The following RALGPS1 variants were observed in gnomAD, a reference collection of about 807,000 sequenced individuals.
RALGPS1 encodes the protein Ral GEF with PH domain and SH3 binding motif 1.
A neutral mutation model predicts 78.8 loss-of-function variants in RALGPS1; 19 were observed. The observed-to-expected ratio is 0.24, with a 90% confidence interval of 0.17 to 0.35. The LOEUF (loss-of-function observed/expected upper bound fraction) is 0.35. Among genes scored for constraint, RALGPS1 ranks in the 10% least tolerant of loss-of-function variants. The probability of loss-of-function intolerance (pLI) is 1.00; values close to 1 mark genes in which losing one functional copy is unlikely to be tolerated. For synonymous variants in RALGPS1, 228 were observed against 256.3 expected, an observed-to-expected ratio of 0.89 and a Z score of 1.06; for missense variants, 454 against 688.3, an observed-to-expected ratio of 0.66 and a Z score of 3.81.
At chr9:127,017,433 C>A (rs1488224802) in intron 4 of RALGPS1, among the ~76,000 whole-genome samples, 2 of 152,008 alleles carry the variant, frequency 1.3e-5, no homozygotes, top group Non-Finnish European at 2.9e-5. Flanking sequence ...AGGACACTTA[C>A]CATGGATGGA....
chr9:127,138,223 C>T (rs969801808), intron 8 of RALGPS1, among the ~76,000 whole-genome samples: 2 of 152,140 alleles, frequency 1.3e-5, no homozygotes, highest in Non-Finnish European at 2.9e-5. Flanking sequence ...AAAATGTTCT[C>T]GAATGTTAGA....
chr9:127,207,928 C>G lies in RALGPS1; in HGVS notation c.1248-4203C>G, dbSNP rs2130825193. Among the ~76,000 whole-genome samples the G allele has an allele frequency of 2.0e-5, 3 of 152,386 alleles. 1 individual carries two copies. The South Asian group carries it at 6.2e-4, about 32-fold the overall frequency. On this transcript the variant is annotated intron_variant, in intron 14 of 18. Coordinates refer to ENST00000259351, the MANE Select transcript of RALGPS1 (RefSeq NM_014636.3). ...CCCGGCACAGGCCCTCCACCCGCAC[C>G]AGAAAATGAGCCTCCCTTTGTGAAC...
chr9:127,007,358 CAG>C (rs2043931748), intron 4 of RALGPS1, among the ~76,000 whole-genome samples: 1 of 152,120 alleles, frequency 6.6e-6, no homozygotes, highest in Non-Finnish European at 1.5e-5. Flanking sequence ...CCTTAGGCAC[CAG>C]ACACACATAG....
intron 11 of RALGPS1, among the ~76,000 whole-genome samples, chr9:127,176,566 G>A (rs1267730745): frequency 1.3e-5 from 2 of 152,206 alleles, no homozygotes; most frequent in East Asian, 3.8e-4. Context: ...CTGTCCTTCC[G>A]AGTCCCCTCC....
At chr9:126,918,115 G>T (rs990960944) in intron 1 of RALGPS1, among the ~76,000 whole-genome samples, 1 of 152,154 alleles carries the variant, frequency 6.6e-6, no homozygotes, top group African/African-American at 2.4e-5. Flanking sequence ...TATGGTTTCT[G>T]TACCCTTAAC....
rs531308515 is a variant in RALGPS1 at position 127,121,813 on chromosome 9, C to T, written c.611-44256C>T. On this transcript the variant is annotated intron_variant, in intron 8 of 18. Transcript: ENST00000259351. ...GGGTGTGAGCAGAGGCAGCCCAGCTCCTGTAACTCTCCGAGCAGGGGCTCC... is the reference window on the plus strand; with the variant it reads ...GGGTGTGAGCAGAGGCAGCCCAGCTTCTGTAACTCTCCGAGCAGGGGCTCC... Among the ~76,000 whole-genome samples, 8 of 152,300 alleles carry T rather than the reference C, an allele frequency of 5.3e-5. No individual in the cohort carries two copies. The South Asian group carries it at 1.5e-3, about 28-fold the overall frequency.
At chr9:127,203,985 C>A (rs557961840) in intron 14 of RALGPS1, among the ~76,000 whole-genome samples, 4 of 152,126 alleles carry the variant, frequency 2.6e-5, no homozygotes, top group Non-Finnish European at 5.9e-5. Context: ...CTCCGTTGAC[C>A]TCCACAGTGA....
At chr9:127,106,633 C>CGCCT (rs2054242746) in intron 8 of RALGPS1, among the ~76,000 whole-genome samples, 1 of 152,182 alleles carries the variant, frequency 6.6e-6, no homozygotes, top group Admixed American at 6.5e-5. Flanking sequence ...TACTCCAAAG[C>CGCCT]GCCTGCTCTC....
At chr9:127,126,498 C>G (rs1424881692) in intron 8 of RALGPS1, among the ~76,000 whole-genome samples, 1 of 152,152 alleles carries the variant, frequency 6.6e-6, no homozygotes, top group Non-Finnish European at 1.5e-5. Context: ...TTCTAGAACC[C>G]CATTTACACA....
chr9:127,117,214 T>G (rs564270697), intron 8 of RALGPS1, among the ~76,000 whole-genome samples: 109 of 152,260 alleles, frequency 7.2e-4, no homozygotes, highest in African/African-American at 2.6e-3. Flanking sequence ...CTTCCCTCCC[T>G]CCTTCAGCTC....
chr9:127,194,738 C>G (rs1400822852), intron 11 of RALGPS1, among the ~76,000 whole-genome samples: 1 of 152,214 alleles, frequency 6.6e-6, no homozygotes, highest in Non-Finnish European at 1.5e-5. Context: ...GAAGTCTCAC[C>G]TCTGTCATTC....
intron 4 of RALGPS1, among the ~76,000 whole-genome samples, chr9:126,986,511 TG>T (rs1310989598): frequency 6.6e-6 from 1 of 152,154 alleles, no homozygotes; most frequent in Non-Finnish European, 1.5e-5. Context: ...TAAAAGGGTA[TG>T]TTTTCAAGGT....
In RALGPS1 at chr9:127,212,957, C is replaced by T; in HGVS notation, c.1460C>T (p.Pro487Leu). The T allele has an allele frequency of 1.2e-6, 2 of 1,614,190 alleles. No homozygotes were observed. The highest frequency in any genetic ancestry group is 2.7e-5 in the African/African-American group (2 of 75,040). Residue 487 changes from proline to leucine, a missense_variant, in exon 17 of 19, where the codon CCT becomes CTT. Physicochemically the swap from Pro to Leu is moderately conservative, Grantham distance 98. Coordinates refer to ENST00000259351, the MANE Select transcript of RALGPS1 (RefSeq NM_014636.3). This position sits in a 1 kb window ranked among gnomAD's most constrained non-coding sequence, Gnocchi z 6.0. ...GTDRKHYKST[P>L]GKKVSIVGWM... is the part of the protein sequence containing the mutation. ...GCTCTCCTCCAGTATAAATCCACAC[C>T]TGGCAAAAAGGTTTCCATCGTGGGC...
intron 2 of RALGPS1, among the ~76,000 whole-genome samples, chr9:126,962,549 T>C (rs939331007): frequency 2.0e-5 from 3 of 152,256 alleles, no homozygotes; most frequent in African/African-American, 7.2e-5. Flanking sequence ...GAAGTTGTTC[T>C]CTTCAAAGAA....
At chr9:127,164,663 C>T (rs2059201350) in intron 8 of RALGPS1, among the ~76,000 whole-genome samples, 2 of 149,464 alleles carry the variant, frequency 1.3e-5, no homozygotes, top group South Asian at 2.1e-4. Context: ...CTTCAGCTTT[C>T]CAAATAGCTG....
chr9:126,977,074 T>A (rs2040734888), intron 3 of RALGPS1, among the ~76,000 whole-genome samples: 1 of 152,204 alleles, frequency 6.6e-6, no homozygotes. Flanking sequence ...CATGGTCATG[T>A]AAAAAATTGC....
intron 5 of RALGPS1, among the ~76,000 whole-genome samples, chr9:127,035,367 G>A (rs2046777491): frequency 6.6e-6 from 1 of 152,212 alleles, no homozygotes. Context: ...TGGAGACTTG[G>A]ATCAACTGAG....
In RALGPS1 at chr9:127,113,805, G is replaced by A. The variant is rs140579632; in HGVS notation, c.610+44449G>A. On this transcript the variant is annotated intron_variant, in intron 8 of 18. Transcript: ENST00000259351. ...AGGGCTTGGGTCCCACCCAGTCTCC[G>A]GTGGGCTGCCTCTGAATGTCCCCGC... Among the ~76,000 whole-genome samples the A allele has an allele frequency of 5.0e-3, 764 of 152,302 alleles. 4 individuals carry two copies. The highest frequency in any genetic ancestry group is 0.016 in the African/African-American group (675 of 41,570).
chr9:127,207,187 A>T (rs555362071), intron 14 of RALGPS1, among the ~76,000 whole-genome samples: 19 of 151,630 alleles, frequency 1.3e-4, no homozygotes, highest in Non-Finnish European at 2.5e-4. Flanking sequence ...CCATCATCTC[A>T]TTGTCCCATC....
Sources: allele counts gnomAD v4.1 joint callset (sites outside exome capture counted in the v4.1 genomes callset), GRCh38; gene constraint gnomAD v4.1.1; non-coding constraint Gnocchi (gnomAD v3.1); transcripts MANE v1.5; gene names NCBI Gene and HGNC (gene_info 2026-07-23, HGNC 2026-07-21).